The following NLGN4Y variants were observed in gnomAD, a reference collection of about 807,000 sequenced individuals.
NLGN4Y encodes neuroligin-4, Y-linked.
A neutral mutation model predicts 8.4 loss-of-function variants in NLGN4Y; 4 were observed. That is an observed-to-expected ratio of 0.48 (90% CI 0.23 to 1.09). The LOEUF (loss-of-function observed/expected upper bound fraction) is 1.09, where lower values mean the gene tolerates loss of function less well. Ranked by LOEUF, NLGN4Y falls within the 50% of genes least tolerant of loss-of-function variation. The pLI is 0.19. For missense variants in NLGN4Y, 90 were observed against 192.3 expected, an observed-to-expected ratio of 0.47 and a Z score of 3.15; for synonymous variants, 35 against 75.6, an observed-to-expected ratio of 0.46 and a Z score of 2.78.
At chrY:14,702,655 A>G in intron 2 of NLGN4Y, among the ~76,000 whole-genome samples, 1 of 33,450 alleles carries the variant, frequency 3.0e-5, no homozygotes, top group African/African-American at 1.2e-4. Flanking sequence ...AGCATGATTT[A>G]TAATCCTTTG....
At position 14,723,217 on chromosome Y, in the gene NLGN4Y, C is replaced by T. The variant is rs1481512820; in HGVS notation, c.633C>T (p.Ala211=). Residue 211 remains alanine (A), a synonymous_variant, in exon 4 of 7, where the codon GCC becomes GCT. Transcript: ENST00000684976. ...TGNMIDGSIL[A]SYGNVIVITI... ...ACATGATTGATGGCAGCATTTTGGC[C>T]AGCTATGGGAACGTCATCGTTATCA... is the stretch of plus-strand genomic sequence containing the variant. The T allele has an allele frequency of 7.5e-6, 3 of 397,498 alleles. No individual in the cohort carries two copies. The highest frequency in any genetic ancestry group is 1.5e-4 in the Admixed American group (2 of 13,370).
intron 1 of NLGN4Y, among the ~76,000 whole-genome samples, chrY:14,587,426 A>C: frequency 3.0e-5 from 1 of 33,493 alleles, no homozygotes; most frequent in Non-Finnish European, 7.4e-5. Context: ...CTACATCATG[A>C]AGGCTATGAG....
chrY:14,762,582 C>T, intron 4 of NLGN4Y, among the ~76,000 whole-genome samples: 5 of 34,005 alleles, frequency 1.5e-4, no homozygotes, highest in Non-Finnish European at 2.9e-4. Context: ...AAGTGCAGGT[C>T]GAGGGGCATG....
chrY:14,592,793 C>T (rs2080377862), intron 1 of NLGN4Y, among the ~76,000 whole-genome samples: 2 of 33,209 alleles, frequency 6.0e-5, no homozygotes, highest in African/African-American at 2.3e-4. Flanking sequence ...ATATCTTTGA[C>T]AAAGTTGGCC....
At position 14,712,923 on chromosome Y, in the gene NLGN4Y, C is replaced by A. The variant is rs2080903967; in HGVS notation, c.473-6536C>A. Among the ~76,000 whole-genome samples the A allele has an allele frequency of 1.2e-4, 4 of 33,558 alleles. No homozygotes were observed. In the Middle Eastern group the frequency reaches 0.043, roughly 365 times the overall value. 90.0% of individuals were successfully genotyped at this position (33,558 alleles called of 37,273 possible). A position where few individuals can be genotyped will look rare whatever the true frequency, so the allele number is the denominator to read the frequency against. ...GGATTGTAAATTCTCCCCCAGTTGC[C>A]TTTCTGCGTTGGATTACAAGATTAA... On this transcript the variant is annotated intron_variant, in intron 2 of 6. Transcript: ENST00000684976.
intron 1 of NLGN4Y, among the ~76,000 whole-genome samples, chrY:14,599,776 C>A: frequency 3.0e-5 from 1 of 32,911 alleles, no homozygotes; most frequent in Non-Finnish European, 7.4e-5. Context: ...GCCTGTTGTT[C>A]TTTACTTTGC....
intron 2 of NLGN4Y, among the ~76,000 whole-genome samples, chrY:14,703,233 G>C: frequency 3.0e-5 from 1 of 33,133 alleles, no homozygotes; most frequent in Non-Finnish European, 7.4e-5. Context: ...TGAAGTCCTT[G>C]CCCATGCCTA....
intron 1 of NLGN4Y, among the ~76,000 whole-genome samples, chrY:14,615,503 A>G (rs2080485518): frequency 3.0e-5 from 1 of 33,443 alleles, no homozygotes; most frequent in Non-Finnish European, 7.4e-5. Context: ...GCTGGTTTTC[A>G]AAGGAATGCT....
intron 4 of NLGN4Y, among the ~76,000 whole-genome samples, chrY:14,764,440 T>G (rs2081088828): frequency 8.9e-5 from 3 of 33,690 alleles, no homozygotes; most frequent in Non-Finnish European, 2.2e-4. Context: ...CAGATTCTAC[T>G]TATTACCCAA....
At chrY:14,696,150 G>T in intron 2 of NLGN4Y, among the ~76,000 whole-genome samples, 1 of 32,816 alleles carries the variant, frequency 3.0e-5, no homozygotes, top group Non-Finnish European at 7.5e-5. Context: ...CAAGGCAATA[G>T]CATCGCATTC....
chrY:14,531,573 GTT>G (rs2080115055), intron 1 of NLGN4Y, among the ~76,000 whole-genome samples: 1 of 30,189 alleles, frequency 3.3e-5, no homozygotes, highest in African/African-American at 1.3e-4. Context: ...ATAAATATAA[GTT>G]ATATATTAAT....
intron 2 of NLGN4Y, among the ~76,000 whole-genome samples, chrY:14,686,764 C>G: frequency 3.0e-5 from 1 of 32,899 alleles, no homozygotes; most frequent in Non-Finnish European, 7.5e-5. Flanking sequence ...TCTTCAGTCT[C>G]CTTTCTGTCA....
chrY:14,754,584 A>G, intron 4 of NLGN4Y, among the ~76,000 whole-genome samples: 1 of 32,893 alleles, frequency 3.0e-5, no homozygotes, highest in Admixed American at 2.8e-4. Context: ...CACTACTGCT[A>G]TCTTAATTAT....
At chrY:14,553,566 CTGTGTGTG>C (rs557062506) in intron 1 of NLGN4Y, among the ~76,000 whole-genome samples, 1 of 21,737 alleles carries the variant, frequency 4.6e-5, no homozygotes, top group African/African-American at 1.7e-4. Context: ...GGTACCAAAA[CTGTGTGTG>C]TGTGTGTGTG....
chrY:14,785,127 G>C (rs755017907), intron 4 of NLGN4Y, among the ~76,000 whole-genome samples: 1 of 33,343 alleles, frequency 3.0e-5, no homozygotes, highest in South Asian at 6.7e-4. Flanking sequence ...ACATATCCTT[G>C]CACCTAAAAT....
chrY:14,733,295 G>T, intron 4 of NLGN4Y, among the ~76,000 whole-genome samples: 1 of 33,496 alleles, frequency 3.0e-5, no homozygotes, highest in Admixed American at 2.7e-4. Context: ...TCCAAAGAGA[G>T]TGTCCATTTG....
chrY:14,838,804 C>A (rs941520362), intron 6 of NLGN4Y, among the ~76,000 whole-genome samples: 4 of 33,060 alleles, frequency 1.2e-4, no homozygotes, highest in African/African-American at 2.4e-4. Flanking sequence ...TAAGTTAAGG[C>A]CAACAGTGGC....
At chrY:14,638,040 T>C in intron 2 of NLGN4Y, among the ~76,000 whole-genome samples, 1 of 32,704 alleles carries the variant, frequency 3.1e-5, no homozygotes, top group African/African-American at 1.2e-4. Flanking sequence ...CTTTTTAAAA[T>C]ATACTTTAAG....
At chrY:14,711,694 G>A (rs1007059129) in intron 2 of NLGN4Y, among the ~76,000 whole-genome samples, 11 of 32,191 alleles carry the variant, frequency 3.4e-4, no homozygotes, top group African/African-American at 1.3e-3. Flanking sequence ...AGATGCGTTG[G>A]TACTGACCTG....
Sources: gnomAD v4.1 joint callset for allele counts (sites outside exome capture counted in the v4.1 genomes callset) on GRCh38, gnomAD v4.1.1 for gene constraint, MANE v1.5 for transcripts, NCBI Gene and HGNC (gene_info 2026-07-23, HGNC 2026-07-21) for gene names.